The following TBC1D22A variants were observed in gnomAD, a reference collection of about 807,000 sequenced individuals.
TBC1D22A encodes putative GTPase activator.
Under a neutral mutation model 60.2 loss-of-function variants are expected in TBC1D22A, and 38 were observed. The observed-to-expected ratio is 0.63, with a 90% confidence interval of 0.49 to 0.83. The LOEUF is 0.83. Among genes scored for constraint, TBC1D22A ranks in the 40% least tolerant of loss-of-function variants. The probability of loss-of-function intolerance (pLI) is 0.00; values close to 1 mark genes in which losing one functional copy is unlikely to be tolerated. For missense variants in TBC1D22A, 628 were observed against 701.0 expected, an observed-to-expected ratio of 0.90 and a Z score of 1.18; for synonymous variants, 302 against 281.7, an observed-to-expected ratio of 1.07 and a Z score of -0.72.
chr22:46,993,666 C>T (rs1038279127), intron 9 of TBC1D22A, among the ~76,000 whole-genome samples: 3 of 152,154 alleles, frequency 2.0e-5, no homozygotes, highest in African/African-American at 7.2e-5. Context: ...TACCCAGGGG[C>T]CTTGGTGCAG....
chr22:47,132,505 C>T (rs1340004996), intron 12 of TBC1D22A, among the ~76,000 whole-genome samples: 1 of 126,504 alleles, frequency 7.9e-6, no homozygotes, highest in Admixed American at 8.4e-5. Context: ...GGCCTTAGTC[C>T]CTGCACCGCC....
At chr22:47,155,804 C>A (rs1486202696) in intron 12 of TBC1D22A, among the ~76,000 whole-genome samples, 1 of 151,734 alleles carries the variant, frequency 6.6e-6, no homozygotes, top group African/African-American at 2.4e-5. Context: ...GCAGCCTGAC[C>A]TTTCTGTGCG....
At chr22:46,803,902 C>T (rs2085014250) in intron 4 of TBC1D22A, among the ~76,000 whole-genome samples, 1 of 152,200 alleles carries the variant, frequency 6.6e-6, no homozygotes, top group African/African-American at 2.4e-5. Flanking sequence ...CCTCAAGTCC[C>T]CTGCAGTGAG....
rs2065090124 is a variant in TBC1D22A at position 47,094,330 on chromosome 22, A to G, written c.1330-17178A>G. Among the ~76,000 whole-genome samples the G allele has an allele frequency of 1.3e-5, 2 of 152,224 alleles. 1 individual carries two copies. Among genetic ancestry groups the G allele is most frequent in the South Asian group, 4.1e-4 (2 of 4,832 alleles). ...GGGTGGGTTTCAAGGCTAACATTTA[A>G]GTCAGGGGACTTTGCATAAAGCGAA... On this transcript the variant is annotated intron_variant, in intron 11 of 12. Transcript: ENST00000337137.
chr22:47,097,291 T>A (rs542242549), intron 11 of TBC1D22A, among the ~76,000 whole-genome samples: 5 of 152,304 alleles, frequency 3.3e-5, no homozygotes, highest in African/African-American at 1.2e-4. Flanking sequence ...ACAAAAATCC[T>A]GGATAAATGA....
intron 12 of TBC1D22A, among the ~76,000 whole-genome samples, chr22:47,131,603 T>C (rs2066680993): frequency 6.6e-6 from 1 of 152,214 alleles, no homozygotes; most frequent in African/African-American, 2.4e-5. Context: ...AGATGGCCTC[T>C]GCCCATGCGA....
intron 4 of TBC1D22A, among the ~76,000 whole-genome samples, chr22:46,862,916 A>G (rs1407457905): frequency 6.6e-6 from 1 of 152,182 alleles, no homozygotes; most frequent in Non-Finnish European, 1.5e-5. Context: ...AGAAATTTCT[A>G]AATTAAAATT....
At chr22:46,913,230 G>T (rs749228828) in intron 8 of TBC1D22A, 2 of 716,894 alleles carry the variant, frequency 2.8e-6, no homozygotes, top group Non-Finnish European at 4.2e-6. Context: ...GGAAAGAGGG[G>T]ACTTTACTGT....
intron 4 of TBC1D22A, among the ~76,000 whole-genome samples, chr22:46,831,111 G>A: frequency 6.6e-6 from 1 of 152,188 alleles, no homozygotes. Context: ...CTGGGTCCTG[G>A]CACCATGAGA....
intron 11 of TBC1D22A, among the ~76,000 whole-genome samples, chr22:47,110,133 G>T (rs561635840): frequency 1.3e-5 from 2 of 152,296 alleles, no homozygotes; most frequent in African/African-American, 4.8e-5. Flanking sequence ...TAACCACAGG[G>T]TCTCTGTGTT....
intron 11 of TBC1D22A, among the ~76,000 whole-genome samples, chr22:47,068,122 C>T (rs2063841071): frequency 2.0e-5 from 3 of 152,246 alleles, no homozygotes; most frequent in Admixed American, 2.0e-4. Context: ...GTCTAGTCAC[C>T]TGGCTTGTTT....
chr22:47,003,777 CACACACCCTACACACACATGCCTGT>C (rs2061482651), intron 10 of TBC1D22A, among the ~76,000 whole-genome samples: 2 of 137,742 alleles, frequency 1.5e-5, no homozygotes, highest in Admixed American at 7.5e-5. Flanking sequence ...TGCCTATACA[CACACACCCTACACACACATGCCTGT>C]ACACACCCTA....
intron 7 of TBC1D22A, among the ~76,000 whole-genome samples, chr22:46,907,079 C>CTG (rs10627808): frequency 0.31 from 47,436 of 151,230 alleles, 8,295 homozygotes; most frequent in East Asian, 0.61. Context: ...GTGTGCTCTT[C>CTG]TGTGTGTGTG....
At chr22:47,116,149 G>T (rs558016305) in intron 12 of TBC1D22A, 3 of 152,194 alleles carry the variant, frequency 2.0e-5, no homozygotes, top group Non-Finnish European at 1.5e-5. Context: ...AGAGGGGGCC[G>T]CCCACGCGGG....
chr22:46,904,138 T>G (rs56248922), intron 7 of TBC1D22A, among the ~76,000 whole-genome samples: 9 of 55,334 alleles, frequency 1.6e-4, no homozygotes, highest in African/African-American at 4.0e-4. Context: ...TATCTATCTA[T>G]CTATCTACCT....
chr22:46,936,578 C>T (rs570835045), intron 8 of TBC1D22A, among the ~76,000 whole-genome samples: 8 of 152,362 alleles, frequency 5.3e-5, no homozygotes, highest in Non-Finnish European at 7.3e-5. Context: ...GCCTGACAAG[C>T]GGAGCGTGAG....
chr22:46,995,530 T>A (rs574557630), intron 9 of TBC1D22A, among the ~76,000 whole-genome samples: 5 of 152,190 alleles, frequency 3.3e-5, no homozygotes, highest in South Asian at 2.1e-4. Context: ...TGTGTGTGTG[T>A]GTGAGAGAGA....
chr22:46,830,033 C>T (rs1352473776), intron 4 of TBC1D22A, among the ~76,000 whole-genome samples: 1 of 152,230 alleles, frequency 6.6e-6, no homozygotes, highest in African/African-American at 2.4e-5. Context: ...GAATGTCTGC[C>T]TGGTGCTGTG....
chr22:46,878,144 C>G (rs987749689), intron 4 of TBC1D22A, among the ~76,000 whole-genome samples: 1 of 151,752 alleles, frequency 6.6e-6, no homozygotes, highest in African/African-American at 2.4e-5. Context: ...AGCTTATCTC[C>G]GTGAAACAAT....
Sources: gnomAD v4.1 joint callset for allele counts (sites outside exome capture counted in the v4.1 genomes callset) on GRCh38, gnomAD v4.1.1 for gene constraint, MANE v1.5 for transcripts, NCBI Gene and HGNC (gene_info 2026-07-23, HGNC 2026-07-21) for gene names.